The following RBM15 variants were observed in gnomAD, a reference collection of about 807,000 sequenced individuals.
RBM15 encodes RNA binding motif protein 15.
A neutral mutation model predicts 62.6 loss-of-function variants in RBM15; 8 were observed. The observed-to-expected ratio is 0.13, with a 90% confidence interval of 0.07 to 0.23. The LOEUF (loss-of-function observed/expected upper bound fraction) is 0.23, where lower values mean the gene tolerates loss of function less well. Ranked by LOEUF, RBM15 falls within the 10% of genes least tolerant of loss-of-function variation. RBM15 has a pLI of 1.00. For synonymous variants in RBM15, 606 were observed against 505.7 expected, an observed-to-expected ratio of 1.20 and a Z score of -2.66; for missense variants, 1,144 against 1,286.5, an observed-to-expected ratio of 0.89 and a Z score of 1.69.
At chr1:110,346,238 G>A (rs1409614928) in intron 2 of RBM15, 70 bp from the exon 3 acceptor site, 1 of 1,475,870 alleles carries the variant, frequency 6.8e-7, no homozygotes, top group Admixed American at 1.7e-5. Context: ...AATGGCATAG[G>A]GGAAATATAT....
rs542861278 is a variant in RBM15, at chr1:110,344,409, T to C, written c.2864-1130T>C. On this transcript the variant is annotated intron_variant, in intron 1 of 2. Coordinates refer to ENST00000369784, the MANE Select transcript of RBM15 (RefSeq NM_022768.5). ...TTCTTTTACTTTCTTTTTTTTTGTT[T>C]GTTTTTTGTTTTTTGTTAGTGTGAC... Among the ~76,000 whole-genome samples, 5 of 152,268 alleles carry C rather than the reference T, an allele frequency of 3.3e-5. No homozygotes were observed. The South Asian group carries it at 1.0e-3, about 32-fold the overall frequency.
In RBM15 at chr1:110,341,030, C is replaced by T; in HGVS notation, c.1625C>T (p.Pro542Leu). 5 of 1,614,204 alleles carry T rather than the reference C, an allele frequency of 3.1e-6. No individual in the cohort carries two copies. Among genetic ancestry groups the T allele is most frequent in the Non-Finnish European group, 4.2e-6 (5 of 1,180,036 alleles). Reference protein sequence around the residue: ...RYQQQYLQPLPLTHYELVTDA... With the variant: ...RYQQQYLQPLLLTHYELVTDA... Reference sequence around the variant, plus strand: ...CAGCAGCAGTATCTGCAGCCTCTGCCCTTGACTCATTATGAGCTGGTGACA... The same window carrying T: ...CAGCAGCAGTATCTGCAGCCTCTGCTCTTGACTCATTATGAGCTGGTGACA... The change falls in exon 1 of 3, where the codon CCC becomes CTC. Residue 542 changes from proline (P) to leucine (L), a missense_variant. By Grantham distance (98) the Pro-to-Leu change is moderately conservative. Around this residue, in one of 8 missense-constraint regions of RBM15, gnomAD observed 360 missense variants for 342.9 expected, o/e 1.05. Coordinates refer to ENST00000369784, the MANE Select transcript of RBM15 (RefSeq NM_022768.5). The surrounding 1 kb of genome is among the most constrained non-coding windows in gnomAD (Gnocchi z 4.5).
chr1:110,343,008 G>A (rs1272264278), intron 1 of RBM15, among the ~76,000 whole-genome samples: 2 of 152,166 alleles, frequency 1.3e-5, no homozygotes, highest in African/African-American at 4.8e-5. Flanking sequence ...AAGTGAGTAG[G>A]TGCTTTTAAA....
chr1:110,346,253 T>A (rs1432765101), intron 2 of RBM15, 55 bp from the exon 3 acceptor site: 13 of 1,532,296 alleles, frequency 8.5e-6, no homozygotes, highest in Admixed American at 6.7e-5. Flanking sequence ...ATATATATAT[T>A]TTTAATATTG....
chr1:110,340,117 C>T lies in RBM15; in HGVS notation c.712C>T (p.Leu238=), dbSNP rs1393595304. 2 of 1,613,796 alleles carry T rather than the reference C, an allele frequency of 1.2e-6. No homozygotes were observed. The highest frequency in any genetic ancestry group is 2.2e-5 in the South Asian group (2 of 91,080). The change falls in exon 1 of 3, where the codon CTG becomes TTG. Residue 238 remains leucine (L), a synonymous_variant. Coordinates refer to ENST00000369784, the MANE Select transcript of RBM15 (RefSeq NM_022768.5). The surrounding 1 kb of genome is among the most constrained non-coding windows in gnomAD (Gnocchi z 5.8). ...ARAAKHARGR[L]VLYDRPLKIE... ...GGCGGCCAAGCATGCCAGAGGCCGC[C>T]TGGTGCTCTATGACCGGCCTCTGAA...
intron 1 of RBM15, 38 bp downstream of exon 1, chr1:110,342,306 C>T (rs745906657): frequency 2.7e-5 from 40 of 1,487,006 alleles, no homozygotes; most frequent in Non-Finnish European, 3.5e-5. Context: ...GTATTTACTA[C>T]TTTGACATGG....
At chr1:110,342,416 T>C (rs1192894076) in intron 1 of RBM15, 148 bp downstream of exon 1, 1 of 596,434 alleles carries the variant, frequency 1.7e-6, no homozygotes, top group Non-Finnish European at 2.7e-6. Flanking sequence ...ATAAACGTCT[T>C]TAAAATAGAA....
chr1:110,344,817 TTTAA>T (rs1192018761), intron 1 of RBM15, among the ~76,000 whole-genome samples: 8 of 152,184 alleles, frequency 5.3e-5, no homozygotes, highest in African/African-American at 1.9e-4. Flanking sequence ...ATCTTTCTTC[TTTAA>T]TTATTTTAAT....
At position 110,340,728 on chromosome 1, in the gene RBM15, G is replaced by A. The variant is rs1235994728; in HGVS notation, c.1323G>A (p.Arg441=). The change falls in exon 1 of 3, where the codon CGG becomes CGA. Residue 441 remains arginine (R), a synonymous_variant. Coordinates refer to ENST00000369784, the MANE Select transcript of RBM15 (RefSeq NM_022768.5). The surrounding 1 kb of genome is among the most constrained non-coding windows in gnomAD (Gnocchi z 5.8). The part of the protein sequence containing the change: ...KLAMSGKIII[R]NPIKIGYGKA... ...CAATGTCTGGCAAAATTATAATTCG[G>A]AATCCTATCAAAATTGGTTATGGTA... The A allele has an allele frequency of 1.2e-6, 2 of 1,614,036 alleles. No homozygotes were observed. The highest frequency in any genetic ancestry group is 1.7e-6 in the Non-Finnish European group (2 of 1,180,000).
At chr1:110,345,691 T>G in intron 2 of RBM15, 42 bp downstream of exon 2, 1 of 1,237,966 alleles carries the variant, frequency 8.1e-7, no homozygotes, top group South Asian at 1.4e-5. Context: ...GAGTTTTATA[T>G]GTATGGTTTA....
At chr1:110,345,450 C>G in intron 1 of RBM15, 89 bp from the exon 2 acceptor site, 1 of 848,898 alleles carries the variant, frequency 1.2e-6, no homozygotes, top group Non-Finnish European at 2.0e-6. Flanking sequence ...ATTAGGAAAT[C>G]CTCTTGAGAA....
Position 110,340,416 on chromosome 1 carries a change from G to C in RBM15, c.1011G>C (p.Glu337Asp). 6.2e-7 allele frequency: 1 copy of C among 1,614,224 alleles called. No individual in the cohort carries two copies. The highest frequency in any genetic ancestry group is 8.5e-7 in the Non-Finnish European group (1 of 1,180,036). Reference protein sequence around the residue: ...LERERDYPFYERVRPAYSLEP... With the variant: ...LERERDYPFYDRVRPAYSLEP... ...GAGAAAGAGACTACCCGTTCTATGA[G>C]AGAGTGCGCCCTGCATACAGTCTTG... Residue 337 changes from glutamate to aspartate, a missense_variant, in exon 1 of 3, where the codon GAG becomes GAC. Glu to Asp is a conservative substitution (Grantham distance 45). This residue lies in a region of RBM15 where 188 missense variants were observed against 185.6 expected (regional missense o/e 1.01). Coordinates refer to ENST00000369784, the MANE Select transcript of RBM15 (RefSeq NM_022768.5). The surrounding 1 kb of genome is among the most constrained non-coding windows in gnomAD (Gnocchi z 5.8).
chr1:110,346,505 A>C lies in RBM15; in HGVS notation c.*238A>C. 1.3e-6 allele frequency: 1 copy of C among 742,618 alleles called. No homozygotes were observed. 46.0% of individuals were successfully genotyped at this position (742,618 alleles called of 1,614,324 possible). A position where few individuals can be genotyped will look rare whatever the true frequency, so the allele number is the denominator to read the frequency against. On this transcript the variant is annotated 3_prime_UTR_variant, in exon 3 of 3. Transcript: ENST00000369784. ...TTGTGATGCCAATGCCGGTGTTTTAAGTGGAAAAAAAATGACCTCTTTGAT... is the reference window on the plus strand; with the variant it reads ...TTGTGATGCCAATGCCGGTGTTTTACGTGGAAAAAAAATGACCTCTTTGAT...
At position 110,340,785 on chromosome 1, in the gene RBM15, A is replaced by T. The variant is rs1243327880; in HGVS notation, c.1380A>T (p.Gly460=). The change falls in exon 1 of 3, where the codon GGA becomes GGT. Residue 460 remains glycine, a synonymous_variant. Coordinates refer to ENST00000369784, the MANE Select transcript of RBM15 (RefSeq NM_022768.5). This position sits in a 1 kb window ranked among gnomAD's most constrained non-coding sequence, Gnocchi z 5.8. Reference sequence around the variant, plus strand: ...CACCCACCACCCGCCTCTGGGTGGGAGGCCTGGGACCTTGGGTTCCTCTTG... The same window carrying T: ...CACCCACCACCCGCCTCTGGGTGGGTGGCCTGGGACCTTGGGTTCCTCTTG... The part of the protein sequence containing the change: ...KATPTTRLWV[G]GLGPWVPLAA... The T allele has an allele frequency of 6.2e-7, 1 of 1,614,056 alleles. No individual in the cohort carries two copies. The highest frequency in any genetic ancestry group is 8.5e-7 in the Non-Finnish European group (1 of 1,180,030).
intron 1 of RBM15, 194 bp downstream of exon 1, chr1:110,342,462 CTAT>C: frequency 4.3e-6 from 2 of 466,078 alleles, no homozygotes; most frequent in Non-Finnish European, 7.3e-6. Flanking sequence ...GTTTGTTTAG[CTAT>C]TATTTTAAGT....
Position 110,346,610 on chromosome 1 carries a change from C to G in RBM15, c.*343C>G. Reference sequence around the variant, plus strand: ...TCACACAGCTTAAGAGTAGCTGTCTCTCAAACGTGCGCTCACAGTTGAGCT... The same window carrying G: ...TCACACAGCTTAAGAGTAGCTGTCTGTCAAACGTGCGCTCACAGTTGAGCT... On this transcript the variant is annotated 3_prime_UTR_variant, in exon 3 of 3. Transcript: ENST00000369784. 1 of 465,740 alleles carries G rather than the reference C, an allele frequency of 2.1e-6. No individual in the cohort carries two copies. The highest frequency in any genetic ancestry group is 3.8e-6 in the Non-Finnish European group (1 of 263,264). The allele number at this position is 465,740 out of a possible 1,614,324, so 28.9% of individuals were successfully genotyped here. A position where few individuals can be genotyped will look rare whatever the true frequency, so the allele number is the denominator to read the frequency against.
In RBM15 at chr1:110,341,666, C is replaced by G; in HGVS notation, c.2261C>G (p.Pro754Arg). The G allele has an allele frequency of 6.2e-7, 1 of 1,614,154 alleles. No individual in the cohort carries two copies. The highest frequency in any genetic ancestry group is 8.5e-7 in the Non-Finnish European group (1 of 1,180,026). ...KKEDRSDGSAPSTSTASSKLK... is the reference protein window; with the variant it reads ...KKEDRSDGSARSTSTASSKLK... Reference sequence around the variant, plus strand: ...GAAGACCGCTCTGATGGGAGTGCACCTAGCACCAGCACTGCTTCCTCCAAG... The same window carrying G: ...GAAGACCGCTCTGATGGGAGTGCACGTAGCACCAGCACTGCTTCCTCCAAG... The change falls in exon 1 of 3, where the codon CCT becomes CGT. Residue 754 changes from proline to arginine, a missense_variant. This residue lies in a region of RBM15 where 360 missense variants were observed against 342.9 expected (regional missense o/e 1.05). Coordinates refer to ENST00000369784, the MANE Select transcript of RBM15 (RefSeq NM_022768.5). The surrounding 1 kb of genome is among the most constrained non-coding windows in gnomAD (Gnocchi z 4.5).
At chr1:110,346,033 A>G (rs750894072) in intron 2 of RBM15, among the ~76,000 whole-genome samples, 9 of 152,150 alleles carry the variant, frequency 5.9e-5, no homozygotes, top group African/African-American at 1.2e-4. Flanking sequence ...ACTCAGTTAC[A>G]TGAGTTAAAG....
Position 110,342,177 on chromosome 1 carries a change from A to T in RBM15, c.2772A>T (p.Pro924=). The part of the protein sequence containing the change: ...KENTGVLHAF[P]PCEFSQQFLD... ...ACACCGGGGTCCTTCATGCCTTCCC[A>T]CCTTGTGAGTTCTCCCAGCAGTTCC... is the stretch of plus-strand genomic sequence containing the variant. The change falls in exon 1 of 3, where the codon CCA becomes CCT. Residue 924 remains proline, a synonymous_variant. Coordinates refer to ENST00000369784, the MANE Select transcript of RBM15 (RefSeq NM_022768.5). 1 of 1,613,944 alleles carries T rather than the reference A, an allele frequency of 6.2e-7. No homozygotes were observed.
Sources: gnomAD v4.1 joint callset for allele counts (sites outside exome capture counted in the v4.1 genomes callset) on GRCh38, gnomAD v4.1.1 for gene constraint, gnomAD v4.1.1 regional missense constraint, Gnocchi (gnomAD v3.1) non-coding constraint, MANE v1.5 for transcripts, NCBI Gene and HGNC (gene_info 2026-07-23, HGNC 2026-07-21) for gene names.